Variants in DNAJC13 observed in about 807,000 individuals in gnomAD.
The protein encoded by DNAJC13 is DnaJ heat shock protein family (Hsp40) member C13, also known as dnaJ homolog subfamily C member 13.
DNAJC13 carries 75 observed loss-of-function variants against 290.5 expected under a neutral mutation model. That is an observed-to-expected ratio of 0.26 (90% confidence interval 0.21 to 0.31). The LOEUF (loss-of-function observed/expected upper bound fraction) is 0.31, where lower values mean the gene tolerates loss of function less well. Ranked by LOEUF, DNAJC13 falls within the 10% of genes least tolerant of loss-of-function variation. DNAJC13 has a pLI of 1.00. For synonymous variants in DNAJC13, 862 were observed against 892.0 expected, an observed-to-expected ratio of 0.97 and a Z score of 0.60; for missense variants, 2,260 against 2,674.5, an observed-to-expected ratio of 0.85 and a Z score of 3.42.
chr3:132,481,856 G>A (rs1441165326), intron 26 of DNAJC13, among the ~76,000 whole-genome samples: 1 of 152,122 alleles, frequency 6.6e-6, no homozygotes, highest in Non-Finnish European at 1.5e-5. Context: ...TGTTGCTTAA[G>A]ATTAATGATA....
intron 20 of DNAJC13, among the ~76,000 whole-genome samples, chr3:132,472,205 C>G (rs1025422592): frequency 1.3e-5 from 2 of 152,098 alleles, no homozygotes; most frequent in Non-Finnish European, 2.9e-5. Flanking sequence ...AGCTTCGGCT[C>G]CGCATGAGAG....
intron 2 of DNAJC13, among the ~76,000 whole-genome samples, chr3:132,440,671 G>C (rs980689403): frequency 6.6e-6 from 1 of 152,206 alleles, no homozygotes; most frequent in Admixed American, 6.5e-5. Context: ...ATCTAGGTTT[G>C]TGTAAGTACA....
At chr3:132,457,217 A>C (rs1296809078) in intron 12 of DNAJC13, 52 bp from the exon 13 acceptor site, 2 of 1,301,154 alleles carry the variant, frequency 1.5e-6, no homozygotes, top group East Asian at 4.7e-5. Context: ...ATAATATAAC[A>C]ATTTAAAATG....
At chr3:132,454,680 G>A (rs1296002881) in intron 9 of DNAJC13, among the ~76,000 whole-genome samples, 1 of 151,858 alleles carries the variant, frequency 6.6e-6, no homozygotes, top group Non-Finnish European at 1.5e-5. Context: ...AGTATAGTAT[G>A]ACCAATAGCT....
chr3:132,532,550 C>T (rs531366569), intron 55 of DNAJC13, among the ~76,000 whole-genome samples: 15 of 152,044 alleles, frequency 9.9e-5, no homozygotes, highest in African/African-American at 3.6e-4. Flanking sequence ...TCAGTCTGTC[C>T]CATATCTCTC....
intron 28 of DNAJC13, 167 bp from the exon 29 acceptor site, chr3:132,484,421 T>C (rs1207146920): frequency 3.1e-6 from 2 of 639,666 alleles, no homozygotes. Flanking sequence ...AGCAGCCAAA[T>C]AGATTTAAAC....
chr3:132,438,836 T>A (rs1428598600), intron 2 of DNAJC13, among the ~76,000 whole-genome samples: 1 of 152,204 alleles, frequency 6.6e-6, no homozygotes, highest in Non-Finnish European at 1.5e-5. Context: ...CCAACTTGTA[T>A]AGACATAATT....
intron 13 of DNAJC13, chr3:132,458,246 A>C (rs188670100): frequency 1.0e-3 from 153 of 152,298 alleles, no homozygotes; most frequent in African/African-American, 3.5e-3. Flanking sequence ...TGATTATCTC[A>C]GTTTTGTGTG....
chr3:132,437,373 C>A (rs1328506370), intron 2 of DNAJC13, among the ~76,000 whole-genome samples: 1 of 152,132 alleles, frequency 6.6e-6, no homozygotes, highest in African/African-American at 2.4e-5. Context: ...TCAATTGTTT[C>A]TTTTGCCATT....
Position 132,475,052 on chromosome 3 carries a change from A to C in DNAJC13, c.2412A>C (p.Ala804=). 1 of 1,610,214 alleles carries C rather than the reference A, an allele frequency of 6.2e-7. No individual in the cohort carries two copies. ...AFNIDRELGS[A]NVISWNHHEF... is the part of the protein sequence containing the mutation. Reference sequence around the variant, plus strand: ...ATATTGACAGAGAACTTGGAAGTGCAAATGTGATCTCCTGGAACCACCATG... The same window carrying C: ...ATATTGACAGAGAACTTGGAAGTGCCAATGTGATCTCCTGGAACCACCATG... The change falls in exon 22 of 56, where the codon GCA becomes GCC. Residue 804 remains alanine, a synonymous_variant. Transcript: ENST00000260818.
chr3:132,513,263 A>G (rs75831167), intron 45 of DNAJC13, among the ~76,000 whole-genome samples, 164 bp downstream of exon 45: 2,229 of 152,280 alleles, frequency 0.015, 63 homozygotes, highest in African/African-American at 0.051. Flanking sequence ...AACATGCTCA[A>G]TTTGAAGAGT....
rs149995490 is a variant in DNAJC13 at position 132,466,529 on chromosome 3, T to C, written c.2064+135T>C. 11 of 581,416 alleles carry C rather than the reference T, an allele frequency of 1.9e-5. No homozygotes were observed. The African/African-American group carries it at 1.9e-4, about 10-fold the overall frequency. 36.0% of individuals were successfully genotyped at this position (581,416 alleles called of 1,614,324 possible). Reference sequence around the variant, plus strand: ...TGAATAGTATACTTAACTATTGATATCTTTATTGAGGTAAAATTTACATCC... The same window carrying C: ...TGAATAGTATACTTAACTATTGATACCTTTATTGAGGTAAAATTTACATCC... On this transcript the variant is annotated intron_variant, in intron 19 of 55. Transcript: ENST00000260818.
chr3:132,467,193 A>G lies in DNAJC13; in HGVS notation c.2088A>G (p.Lys696=). 1 of 1,611,862 alleles carries G rather than the reference A, an allele frequency of 6.2e-7. No homozygotes were observed. Among genetic ancestry groups the G allele is most frequent in the Non-Finnish European group, 8.5e-7 (1 of 1,179,378 alleles). Residue 696 remains lysine, a synonymous_variant, in exon 20 of 56, where the codon AAA becomes AAG. Transcript: ENST00000260818. Reference sequence around the variant, plus strand: ...AGGATCAGTATGGAAAATTTAATAAAGTTCCAGAGTGGCAAAGACTAGCTG... The same window carrying G: ...AGGATCAGTATGGAAAATTTAATAAGGTTCCAGAGTGGCAAAGACTAGCTG... ...IAMDQYGKFN[K]VPEWQRLAGK...
rs142008774 is a variant in DNAJC13 at position 132,531,538 on chromosome 3, C to G, written c.6625+441C>G. On this transcript the variant is annotated intron_variant, in intron 55 of 55. Transcript: ENST00000260818. ...CTTGGCTGGGCGCGGTGGCTCACGC[C>G]TATAATCCCAGCACTTTGGGAAGCT... Among the ~76,000 whole-genome samples, 224 of 152,318 alleles carry G rather than the reference C, an allele frequency of 1.5e-3. 1 individual carries two copies. The highest frequency in any genetic ancestry group is 5.0e-3 in the African/African-American group (208 of 41,562).
At chr3:132,423,112 T>G (rs1178918748) in intron 1 of DNAJC13, among the ~76,000 whole-genome samples, 1 of 152,064 alleles carries the variant, frequency 6.6e-6, no homozygotes, top group Non-Finnish European at 1.5e-5. Flanking sequence ...CCAACCTAGC[T>G]TGAGCAACCC....
intron 2 of DNAJC13, among the ~76,000 whole-genome samples, chr3:132,436,397 A>G (rs1243462833): frequency 1.3e-5 from 2 of 152,238 alleles, no homozygotes; most frequent in Admixed American, 1.3e-4. Context: ...TCATTTCATT[A>G]ATGTCATATA....
intron 22 of DNAJC13, among the ~76,000 whole-genome samples, chr3:132,476,107 T>C (rs546349827): frequency 1.2e-4 from 19 of 152,260 alleles, no homozygotes; most frequent in Admixed American, 1.1e-3. Flanking sequence ...CTAATTTTTG[T>C]ATTTTTTATG....
At chr3:132,529,062 T>G (rs1936339487) in intron 54 of DNAJC13, among the ~76,000 whole-genome samples, 1 of 152,140 alleles carries the variant, frequency 6.6e-6, no homozygotes, top group South Asian at 2.1e-4. Flanking sequence ...CGTATCTAGT[T>G]CCAAAACATT....
At chr3:132,465,828 A>G (rs1029126149) in intron 17 of DNAJC13, among the ~76,000 whole-genome samples, 167 bp from the exon 18 acceptor site, 3 of 152,144 alleles carry the variant, frequency 2.0e-5, no homozygotes, top group African/African-American at 7.2e-5. Context: ...TAATATTTGA[A>G]TTATAACTCT....
Sources: gnomAD v4.1 joint callset for allele counts (sites outside exome capture counted in the v4.1 genomes callset) on GRCh38, gnomAD v4.1.1 for gene constraint, MANE v1.5 for transcripts, NCBI Gene and HGNC (gene_info 2026-07-23, HGNC 2026-07-21) for gene names.